Variants in PIGB observed in about 807,000 individuals in gnomAD.
PIGB encodes the protein phosphatidylinositol glycan anchor biosynthesis class B, also known as GPI alpha-1,2-mannosyltransferase 3.
PIGB carries 58 observed loss-of-function variants against 68.4 expected under a neutral mutation model. The ratio of observed to expected loss-of-function variants is 0.85; its 90% CI spans 0.69 to 1.06. PIGB has a LOEUF of 1.06. Ranked by LOEUF, PIGB falls within the 50% of genes least tolerant of loss-of-function variation. The pLI, the probability that PIGB is intolerant of heterozygous loss-of-function variation, is 0.00. For missense variants in PIGB, 634 were observed against 655.8 expected, an observed-to-expected ratio of 0.97 and a Z score of 0.36; for synonymous variants, 219 against 220.5, an observed-to-expected ratio of 0.99 and a Z score of 0.06.
chr15:55,328,392 T>C (rs1028147713), intron 4 of PIGB, among the ~76,000 whole-genome samples: 4 of 152,200 alleles, frequency 2.6e-5, no homozygotes, highest in Non-Finnish European at 4.4e-5. Flanking sequence ...ACCTTTTTTA[T>C]ATTGTTTCTA....
chr15:55,327,903 C>T (rs1408543272), intron 4 of PIGB, among the ~76,000 whole-genome samples: 4 of 152,180 alleles, frequency 2.6e-5, no homozygotes, highest in African/African-American at 9.7e-5. Context: ...CCCCTTCACT[C>T]CTCAAAACTG....
At chr15:55,354,636 T>A (rs762047564) in intron 10 of PIGB, 162 bp from the exon 11 acceptor site, 6 of 604,712 alleles carry the variant, frequency 9.9e-6, no homozygotes, top group African/African-American at 5.7e-5. Context: ...ATGTTTTTTT[T>A]ATCTTTGAGA....
chr15:55,338,605 C>G (rs2055590639), intron 6 of PIGB, among the ~76,000 whole-genome samples: 1 of 152,040 alleles, frequency 6.6e-6, no homozygotes, highest in Admixed American at 6.6e-5. Flanking sequence ...TGATCACACA[C>G]TACTGCACTC....
intron 9 of PIGB, chr15:55,348,482 C>T (rs2055852529): frequency 6.6e-6 from 1 of 152,228 alleles, no homozygotes. Flanking sequence ...GGAGATGCTT[C>T]GATCATGGGG....
intron 7 of PIGB, chr15:55,340,353 G>A (rs145089997): frequency 0.052 from 10,123 of 194,526 alleles, 358 homozygotes; most frequent in East Asian, 0.15. Context: ...CTACTCGGGA[G>A]GCTGAGGCAG....
chr15:55,337,142 T>C (rs1038057949), intron 6 of PIGB, among the ~76,000 whole-genome samples: 6 of 152,112 alleles, frequency 3.9e-5, no homozygotes, highest in African/African-American at 1.2e-4. Context: ...TTTCATTTGT[T>C]ATCAAGGAAA....
intron 5 of PIGB, among the ~76,000 whole-genome samples, chr15:55,332,857 C>G (rs1453385631): frequency 1.3e-5 from 2 of 152,008 alleles, no homozygotes; most frequent in Admixed American, 1.3e-4. Context: ...TAGAGAAGTC[C>G]TGTTAATAAA....
intron 3 of PIGB, 96 bp from the exon 4 acceptor site, chr15:55,327,435 C>T (rs1283429855): frequency 1.3e-6 from 1 of 746,966 alleles, no homozygotes; most frequent in Non-Finnish European, 2.2e-6. Flanking sequence ...GAATGGCTTC[C>T]CATAGATAGT....
chr15:55,346,497 C>A (rs1015258775), intron 9 of PIGB: 4 of 152,186 alleles, frequency 2.6e-5, no homozygotes, highest in Non-Finnish European at 5.9e-5. Context: ...TGTATACCGA[C>A]TTTCAAGTAT....
chr15:55,326,230 A>T (rs1454034598), intron 3 of PIGB, among the ~76,000 whole-genome samples: 1 of 151,904 alleles, frequency 6.6e-6, no homozygotes, highest in African/African-American at 2.4e-5. Flanking sequence ...AAAAAAAAAA[A>T]AAGTATTTCT....
intron 3 of PIGB, among the ~76,000 whole-genome samples, chr15:55,323,332 C>T (rs541186652): frequency 6.6e-6 from 1 of 152,270 alleles, no homozygotes; most frequent in African/African-American, 2.4e-5. Context: ...CTGCATAAGG[C>T]TTATGCACAG....
intron 3 of PIGB, among the ~76,000 whole-genome samples, chr15:55,323,092 T>G (rs1387496867): frequency 5.9e-5 from 9 of 152,196 alleles, no homozygotes; most frequent in Admixed American, 5.2e-4. Context: ...AGGAACTCAT[T>G]GTCGTATCTA....
intron 3 of PIGB, among the ~76,000 whole-genome samples, chr15:55,322,690 A>G (rs1025440503): frequency 4.6e-5 from 7 of 152,126 alleles, no homozygotes; most frequent in Admixed American, 4.6e-4. Flanking sequence ...TGCTTCCGTT[A>G]TTGAGAAATT....
At chr15:55,325,278 A>G (rs2055254927) in intron 3 of PIGB, among the ~76,000 whole-genome samples, 1 of 152,096 alleles carries the variant, frequency 6.6e-6, no homozygotes, top group African/African-American at 2.4e-5. Flanking sequence ...ATGAGCCAAG[A>G]TCGCACCACT....
intron 6 of PIGB, among the ~76,000 whole-genome samples, chr15:55,338,558 T>G (rs1460080222): frequency 6.6e-6 from 1 of 151,958 alleles, no homozygotes; most frequent in Admixed American, 6.6e-5. Flanking sequence ...GGTGGGAGGA[T>G]CACTTGAGCC....
At chr15:55,323,225 A>C (rs182984533) in intron 3 of PIGB, among the ~76,000 whole-genome samples, 1 of 152,344 alleles carries the variant, frequency 6.6e-6, no homozygotes, top group East Asian at 1.9e-4. Context: ...TGAAGTAAAT[A>C]GACCAAGGTC....
intron 9 of PIGB, among the ~76,000 whole-genome samples, chr15:55,347,486 C>A (rs535724709): frequency 6.6e-6 from 1 of 152,334 alleles, no homozygotes; most frequent in African/African-American, 2.4e-5. Flanking sequence ...CCCCAAACTT[C>A]ATTTTTAAGT....
chr15:55,333,778 C>A, intron 5 of PIGB, 89 bp from the exon 6 acceptor site: 2 of 967,572 alleles, frequency 2.1e-6, no homozygotes, highest in Non-Finnish European at 2.9e-6. Context: ...GCTATTTATA[C>A]CAAAAGGAAA....
At chr15:55,345,898 T>C (rs1457744815) in intron 9 of PIGB, among the ~76,000 whole-genome samples, 39 of 152,232 alleles carry the variant, frequency 2.6e-4, no homozygotes, top group Admixed American at 2.6e-3. Flanking sequence ...TGTTCTTATC[T>C]AAACACTGAA....
Sources: allele counts gnomAD v4.1 joint callset (sites outside exome capture counted in the v4.1 genomes callset), GRCh38; gene constraint gnomAD v4.1.1; transcripts MANE v1.5; gene names NCBI Gene and HGNC (gene_info 2026-07-23, HGNC 2026-07-21).